ST3GAL6: variants seen among roughly 807,000 people sequenced by gnomAD.
ST3GAL6 encodes type 2 lactosamine alpha-2,3-sialyltransferase.
A neutral mutation model predicts 40.5 loss-of-function variants in ST3GAL6; 31 were observed. The observed-to-expected ratio is 0.77, with a 90% CI of 0.58 to 1.03. The LOEUF is 1.03. Ranked by LOEUF, ST3GAL6 falls within the 50% of genes least tolerant of loss-of-function variation. The pLI, the probability that ST3GAL6 is intolerant of heterozygous loss-of-function variation, is 0.00. For synonymous variants in ST3GAL6, 129 were observed against 136.9 expected, an observed-to-expected ratio of 0.94 and a Z score of 0.40; for missense variants, 357 against 393.2, an observed-to-expected ratio of 0.91 and a Z score of 0.78.
At chr3:98,789,399 T>C (rs994718054) in intron 8 of ST3GAL6, among the ~76,000 whole-genome samples, 2 of 152,352 alleles carry the variant, frequency 1.3e-5, no homozygotes, top group South Asian at 2.1e-4. Flanking sequence ...TTCTACCTTT[T>C]ATGTGCTTCC....
intron 5 of ST3GAL6, among the ~76,000 whole-genome samples, chr3:98,780,683 T>G (rs1940012538): frequency 6.6e-6 from 1 of 152,188 alleles, no homozygotes; most frequent in African/African-American, 2.4e-5. Context: ...CCCTCTTTTT[T>G]CTTGGCTTAT....
chr3:98,756,549 A>T, intron 1 of ST3GAL6: 1 of 1,242,832 alleles, frequency 8.0e-7, no homozygotes, highest in Non-Finnish European at 1.0e-6. Context: ...AGGTAAGCAA[A>T]GGCAACACCA....
intron 1 of ST3GAL6, among the ~76,000 whole-genome samples, chr3:98,745,410 A>G (rs1936469780): frequency 6.6e-6 from 1 of 152,232 alleles, no homozygotes; most frequent in Non-Finnish European, 1.5e-5. Context: ...TGAAGTCCCC[A>G]GAGTGACTCT....
upstream of ST3GAL6, among the ~76,000 whole-genome samples, chr3:98,761,796 G>A (rs1937800525): frequency 6.6e-6 from 1 of 152,144 alleles, no homozygotes. Context: ...TTCCCTAAAA[G>A]CTTACTTGTG....
At position 98,793,815 on chromosome 3, in the gene ST3GAL6, A is replaced by G. The variant is rs1941405399; in HGVS notation, c.*54A>G. The G allele has an allele frequency of 1.7e-6, 2 of 1,162,856 alleles. No homozygotes were observed. Among genetic ancestry groups the G allele is most frequent in the Non-Finnish European group, 2.5e-6 (2 of 809,460 alleles). 72.0% of individuals were successfully genotyped at this position (1,162,856 alleles called of 1,614,324 possible). ...AGTGTTAGTTTTATTTTTGTACTGC[A>G]ATTTTTAGTTTAAAATATGTTGGAT... On this transcript the variant is annotated 3_prime_UTR_variant, in exon 10 of 10. Transcript: ENST00000483910.
chr3:98,782,746 G>A, intron 5 of ST3GAL6: 3 of 503,822 alleles, frequency 6.0e-6, no homozygotes, highest in Non-Finnish European at 1.2e-5. Context: ...ATCATGTTCA[G>A]CCTCCAAGTG....
intron 1 of ST3GAL6, among the ~76,000 whole-genome samples, chr3:98,757,916 A>G (rs1374702275): frequency 2.6e-5 from 4 of 151,640 alleles, no homozygotes; most frequent in African/African-American, 9.7e-5. Context: ...GCTCACTGCA[A>G]CCTCTGCCTC....
At chr3:98,766,671 T>G (rs1938387577) in intron 1 of ST3GAL6, among the ~76,000 whole-genome samples, 1 of 152,176 alleles carries the variant, frequency 6.6e-6, no homozygotes, top group African/African-American at 2.4e-5. Flanking sequence ...TCCACCTGCC[T>G]CAGCCTCCCA....
At chr3:98,746,526 G>T (rs919915619) in intron 1 of ST3GAL6, among the ~76,000 whole-genome samples, 4 of 152,106 alleles carry the variant, frequency 2.6e-5, no homozygotes, top group African/African-American at 9.6e-5. Context: ...TCTAGACTGG[G>T]TTGTTTTATA....
intron 1 of ST3GAL6, chr3:98,732,946 C>T: frequency 6.6e-7 from 1 of 1,511,272 alleles, no homozygotes; most frequent in South Asian, 1.2e-5. Flanking sequence ...CCTCTGCGGT[C>T]GTCGCTCCTG....
Position 98,769,584 on chromosome 3 carries a change from TAAAG to T in ST3GAL6, c.89+1058_89+1061del, listed in dbSNP as rs1281632533. 9.9e-5 allele frequency among the ~76,000 whole-genome samples: 15 copies of T among 150,934 alleles called. No homozygotes were observed. The East Asian group carries it at 1.5e-3, about 15-fold the overall frequency. ...CTATTGTTGGTCACAGGGAAAATGA[TAAAG>T]AAGGTGATGAAAAGGATCTAAATCA... On this transcript the variant is annotated intron_variant, in intron 2 of 9. Coordinates refer to ENST00000483910, the MANE Select transcript of ST3GAL6 (RefSeq NM_001323368.2).
intron 6 of ST3GAL6, among the ~76,000 whole-genome samples, chr3:98,786,460 A>G (rs1009460825): frequency 2.0e-5 from 3 of 152,126 alleles, no homozygotes; most frequent in Non-Finnish European, 4.4e-5. Context: ...CAGAGTGGTG[A>G]CCATTGGACT....
chr3:98,741,813 TAGTTA>T (rs1305742751), intron 1 of ST3GAL6, among the ~76,000 whole-genome samples: 1 of 152,288 alleles, frequency 6.6e-6, no homozygotes, highest in East Asian at 1.9e-4. Context: ...ATGAAAACAT[TAGTTA>T]AGTTAATATA....
intron 2 of ST3GAL6, among the ~76,000 whole-genome samples, chr3:98,770,016 A>C (rs1402918397): frequency 6.6e-6 from 1 of 152,200 alleles, no homozygotes; most frequent in East Asian, 1.9e-4. Flanking sequence ...CACAGTTCAG[A>C]AACCTAGCAA....
intron 1 of ST3GAL6, among the ~76,000 whole-genome samples, chr3:98,743,000 CTTTTTTTTT>C (rs71120599): frequency 1.1e-5 from 1 of 89,484 alleles, no homozygotes. Context: ...ATGCCAGGCT[CTTTTTTTTT>C]TTTTTTTTTT....
intron 5 of ST3GAL6, among the ~76,000 whole-genome samples, chr3:98,780,945 C>T (rs1016145551): frequency 6.6e-6 from 1 of 152,156 alleles, no homozygotes; most frequent in Non-Finnish European, 1.5e-5. Context: ...CAGTCAATCC[C>T]ATTACTGGGT....
chr3:98,733,363 T>G, intron 1 of ST3GAL6: 4 of 1,073,458 alleles, frequency 3.7e-6, no homozygotes, highest in Non-Finnish European at 4.5e-6. Context: ...TGGGACCCTC[T>G]TTTGTCGAAT....
intron 1 of ST3GAL6, among the ~76,000 whole-genome samples, chr3:98,755,462 A>G (rs943789030): frequency 2.0e-5 from 3 of 152,204 alleles, no homozygotes; most frequent in Non-Finnish European, 2.9e-5. Flanking sequence ...TTGTCTTTGA[A>G]GATAAGGATG....
chr3:98,734,346 C>T (rs1935335492), intron 1 of ST3GAL6, among the ~76,000 whole-genome samples: 1 of 152,172 alleles, frequency 6.6e-6, no homozygotes, highest in African/African-American at 2.4e-5. Context: ...AAACGATGCC[C>T]TTAGACTGTT....
Sources: allele counts gnomAD v4.1 joint callset (sites outside exome capture counted in the v4.1 genomes callset), GRCh38; gene constraint gnomAD v4.1.1; transcripts MANE v1.5; gene names NCBI Gene and HGNC (gene_info 2026-07-23, HGNC 2026-07-21).